The following C1orf21 variants were observed in gnomAD, a reference collection of about 807,000 sequenced individuals.
C1orf21 encodes the protein uncharacterized protein C1orf21.
Under a neutral mutation model 18.7 loss-of-function variants are expected in C1orf21, and 3 were observed. The observed-to-expected ratio is 0.16, with a 90% CI of 0.07 to 0.42. C1orf21 has a LOEUF of 0.42. Ranked by LOEUF, C1orf21 falls within the 10% of genes least tolerant of loss-of-function variation. The pLI is 0.99. For missense variants in C1orf21, 104 were observed against 143.6 expected, an observed-to-expected ratio of 0.72 and a Z score of 1.41; for synonymous variants, 41 against 46.4, an observed-to-expected ratio of 0.88 and a Z score of 0.47.
chr1:184,489,567 A>G (rs1486648279), intron 2 of C1orf21, among the ~76,000 whole-genome samples: 1 of 152,208 alleles, frequency 6.6e-6, no homozygotes, highest in East Asian at 1.9e-4. Flanking sequence ...ACCCAGTGCT[A>G]GGAATTTATC....
chr1:184,436,056 G>A (rs1236895599), intron 1 of C1orf21, among the ~76,000 whole-genome samples: 1 of 152,140 alleles, frequency 6.6e-6, no homozygotes, highest in East Asian at 1.9e-4. Flanking sequence ...GCCCAGAGAA[G>A]AGAATGGGAC....
intron 3 of C1orf21, among the ~76,000 whole-genome samples, chr1:184,547,697 T>C (rs1449808471): frequency 1.3e-5 from 2 of 152,234 alleles, no homozygotes; most frequent in Admixed American, 1.3e-4. Context: ...TATTTAAATT[T>C]TTAGCTATCT....
chr1:184,530,031 C>T (rs1658435274), intron 3 of C1orf21, among the ~76,000 whole-genome samples: 1 of 152,138 alleles, frequency 6.6e-6, no homozygotes, highest in African/African-American at 2.4e-5. Context: ...TACAAGGGTG[C>T]TAGAATTAAA....
At chr1:184,397,591 G>GA (rs140571615) in intron 1 of C1orf21, among the ~76,000 whole-genome samples, 25,998 of 148,534 alleles carry the variant, frequency 0.18, 6,786 homozygotes, top group African/African-American at 0.57. Context: ...GTCTGAAAAA[G>GA]AAAAAAAAAC....
chr1:184,554,878 G>A (rs565203304), intron 3 of C1orf21, among the ~76,000 whole-genome samples: 1 of 152,154 alleles, frequency 6.6e-6, no homozygotes, highest in Admixed American at 6.5e-5. Context: ...GCTTTCTATT[G>A]TTTATAGTTC....
At chr1:184,570,454 G>A (rs532112371) in intron 3 of C1orf21, among the ~76,000 whole-genome samples, 4 of 152,108 alleles carry the variant, frequency 2.6e-5, no homozygotes, top group African/African-American at 7.2e-5. Context: ...ACTAATTGTA[G>A]TAAAGTTACC....
At chr1:184,522,598 G>A (rs138874566) in intron 3 of C1orf21, among the ~76,000 whole-genome samples, 72 of 152,264 alleles carry the variant, frequency 4.7e-4, no homozygotes, top group African/African-American at 1.7e-3. Context: ...AGTGACCAAA[G>A]CTGAAATAAT....
intron 3 of C1orf21, among the ~76,000 whole-genome samples, chr1:184,518,828 A>T (rs1306590453): frequency 6.6e-6 from 1 of 152,094 alleles, no homozygotes; most frequent in Non-Finnish European, 1.5e-5. Context: ...AGATAAACAT[A>T]CTGTGAGTCT....
intron 3 of C1orf21, among the ~76,000 whole-genome samples, chr1:184,569,915 A>C (rs1325710299): frequency 6.6e-6 from 1 of 152,212 alleles, no homozygotes; most frequent in African/African-American, 2.4e-5. Context: ...GAAGCCAAGA[A>C]TTTAGGGCCC....
intron 2 of C1orf21, among the ~76,000 whole-genome samples, chr1:184,498,206 G>C (rs1294398935): frequency 6.6e-6 from 1 of 152,182 alleles, no homozygotes; most frequent in Non-Finnish European, 1.5e-5. Context: ...GCTTGGGGGT[G>C]GGGGCCTGAG....
chr1:184,403,238 A>G (rs1656192016), intron 1 of C1orf21, among the ~76,000 whole-genome samples: 1 of 152,274 alleles, frequency 6.6e-6, no homozygotes, highest in South Asian at 2.1e-4. Context: ...AAATTGTGGT[A>G]CATTCATATG....
rs1172660063 is a variant in C1orf21 at position 184,559,553 on chromosome 1, T to TCCTTCCTC, written c.190-31183_190-31182insTCCTCCCT. Among the ~76,000 whole-genome samples the TCCTTCCTC allele has an allele frequency of 2.7e-5, 3 of 109,438 alleles. No individual in the cohort carries two copies. The East Asian group carries it at 8.3e-4, about 30-fold the overall frequency. The allele number at this position is 109,438 out of a possible 152,430, so 71.8% of individuals were successfully genotyped here. ...TTCCTTCCTTCCTTCCTTCCTTCCT[T>TCCTTCCTC]CCTCTCTCTTTCTTCCCCTCCCTCC... On this transcript the variant is annotated intron_variant, in intron 3 of 5. Transcript: ENST00000235307.
At chr1:184,529,623 C>A (rs1419905411) in intron 3 of C1orf21, among the ~76,000 whole-genome samples, 1 of 151,990 alleles carries the variant, frequency 6.6e-6, no homozygotes, top group Admixed American at 6.6e-5. Context: ...GACAAAAGGA[C>A]CCATGCCCAA....
chr1:184,591,389 A>C (rs1659433701), intron 4 of C1orf21, among the ~76,000 whole-genome samples: 1 of 152,212 alleles, frequency 6.6e-6, no homozygotes, highest in African/African-American at 2.4e-5. Flanking sequence ...TATGACCATG[A>C]GGTAGGGAAG....
chr1:184,455,688 A>G (rs551756794), intron 1 of C1orf21, among the ~76,000 whole-genome samples: 22 of 152,142 alleles, frequency 1.4e-4, no homozygotes, highest in African/African-American at 5.3e-4. Context: ...CCTTGTTCCC[A>G]TCATAGCTCC....
In C1orf21 at chr1:184,538,912, C is replaced by T. The variant is rs138566674; in HGVS notation, c.189+31230C>T. 2.6e-3 allele frequency among the ~76,000 whole-genome samples: 397 copies of T among 152,218 alleles called. 3 individuals are homozygous for T. Among genetic ancestry groups the T allele is most frequent in the Admixed American group, 0.01 (156 of 15,298 alleles). Reference sequence around the variant, plus strand: ...TTTTTATTGTGTGTGGAATCCTTAGCGTTTTCCAAACATAAGATTATATTA... The same window carrying T: ...TTTTTATTGTGTGTGGAATCCTTAGTGTTTTCCAAACATAAGATTATATTA... On this transcript the variant is annotated intron_variant, in intron 3 of 5. Transcript: ENST00000235307.
At chr1:184,606,005 T>A (rs186994706) in intron 5 of C1orf21, among the ~76,000 whole-genome samples, 91 of 152,350 alleles carry the variant, frequency 6.0e-4, no homozygotes, top group African/African-American at 1.9e-3. Flanking sequence ...TACAAATATC[T>A]CCTTGTAGAA....
chr1:184,431,999 C>T (rs576304235), intron 1 of C1orf21, among the ~76,000 whole-genome samples: 1 of 152,240 alleles, frequency 6.6e-6, no homozygotes, highest in Admixed American at 6.5e-5. Context: ...GTTAGAATGG[C>T]GATCATTAAA....
At chr1:184,522,484 CTGG>C (rs1201862008) in intron 3 of C1orf21, among the ~76,000 whole-genome samples, 1 of 151,992 alleles carries the variant, frequency 6.6e-6, no homozygotes, top group Non-Finnish European at 1.5e-5. Context: ...TAAGAGGCTC[CTGG>C]TGCGTCTTGT....
Sources: allele counts gnomAD v4.1 joint callset (sites outside exome capture counted in the v4.1 genomes callset), GRCh38; gene constraint gnomAD v4.1.1; transcripts MANE v1.5; gene names NCBI Gene and HGNC (gene_info 2026-07-23, HGNC 2026-07-21).